Variants in ARB2A observed in about 807,000 individuals in gnomAD.
ARB2A encodes ARB2 cotranscriptional regulator A.
chr5:93,657,112 A>G, the ARB2A span, among the ~76,000 whole-genome samples: 1 of 152,178 alleles, frequency 6.6e-6, no homozygotes, highest in Non-Finnish European at 1.5e-5. Flanking sequence ...TAGATCTGAG[A>G]TAAGATGGAT....
the ARB2A span, chr5:93,739,866 A>G: frequency 6.6e-6 from 1 of 152,168 alleles, no homozygotes; most frequent in African/African-American, 2.4e-5. Context: ...TGCCAACCTC[A>G]GTAACAAAGG....
chr5:93,629,359 GA>G, the ARB2A span, among the ~76,000 whole-genome samples: 1 of 150,284 alleles, frequency 6.7e-6, no homozygotes, highest in Non-Finnish European at 1.5e-5. Flanking sequence ...TGCAAGAATT[GA>G]AAAAAATGTG....
the ARB2A span, among the ~76,000 whole-genome samples, chr5:94,080,595 C>T: frequency 2.0e-5 from 3 of 152,172 alleles, no homozygotes; most frequent in African/African-American, 7.2e-5. Flanking sequence ...CAGAGCTGGC[C>T]TCAGGTGCAA....
At chr5:94,022,065 T>G in the ARB2A span, among the ~76,000 whole-genome samples, 26 of 152,178 alleles carry the variant, frequency 1.7e-4, 1 homozygote, top group African/African-American at 5.3e-4. Flanking sequence ...CAAAACTCTG[T>G]CGCAAATAAT....
chr5:93,701,577 TG>T, the ARB2A span, among the ~76,000 whole-genome samples: 3 of 151,914 alleles, frequency 2.0e-5, no homozygotes, highest in African/African-American at 4.8e-5. Flanking sequence ...CAATAATCCC[TG>T]TTTTTTTTTT....
the ARB2A span, among the ~76,000 whole-genome samples, chr5:93,816,831 C>G: frequency 6.6e-6 from 1 of 152,064 alleles, no homozygotes; most frequent in Admixed American, 6.6e-5. Context: ...TGAAAACAAT[C>G]ACAACTAATA....
At chr5:94,101,902 A>T in the ARB2A span, among the ~76,000 whole-genome samples, 1 of 152,002 alleles carries the variant, frequency 6.6e-6, no homozygotes, top group Non-Finnish European at 1.5e-5. Context: ...GACACATGTT[A>T]TCTATGTAGC....
At chr5:94,051,440 T>C in the ARB2A span, among the ~76,000 whole-genome samples, 3 of 152,144 alleles carry the variant, frequency 2.0e-5, no homozygotes, top group Admixed American at 1.3e-4. Context: ...GGCTATCAAA[T>C]CACATTCACA....
the ARB2A span, among the ~76,000 whole-genome samples, chr5:93,690,297 C>A: frequency 6.6e-6 from 1 of 152,158 alleles, no homozygotes; most frequent in Admixed American, 6.5e-5. Context: ...AAGCTAAGAT[C>A]CATTGGCTTG....
At chr5:94,111,309 G>C in the ARB2A span, among the ~76,000 whole-genome samples, 1 of 152,134 alleles carries the variant, frequency 6.6e-6, no homozygotes, top group South Asian at 2.1e-4. Flanking sequence ...CGCCTAGAGA[G>C]TGGAAATGGA....
chr5:93,993,155 G>C, the ARB2A span, among the ~76,000 whole-genome samples: 4 of 151,896 alleles, frequency 2.6e-5, no homozygotes, highest in African/African-American at 9.7e-5. Flanking sequence ...GCTCAATGAA[G>C]GCAAACAAAC....
At chr5:93,694,212 T>G in the ARB2A span, among the ~76,000 whole-genome samples, 1 of 152,042 alleles carries the variant, frequency 6.6e-6, no homozygotes. Context: ...GAGAAAGAAA[T>G]AAAGGTATTC....
the ARB2A span, among the ~76,000 whole-genome samples, chr5:93,856,120 T>A: frequency 6.6e-6 from 1 of 152,288 alleles, no homozygotes; most frequent in East Asian, 1.9e-4. Flanking sequence ...TACAAGCCAC[T>A]CTCTTCTGGC....
the ARB2A span, among the ~76,000 whole-genome samples, chr5:94,012,318 C>A: frequency 6.6e-6 from 1 of 152,208 alleles, no homozygotes; most frequent in Non-Finnish European, 1.5e-5. Context: ...AGGAGAATGG[C>A]GTGAACCCGG....
the ARB2A span, among the ~76,000 whole-genome samples, chr5:93,624,985 GTCTTA>G: frequency 6.6e-6 from 1 of 152,074 alleles, no homozygotes; most frequent in Non-Finnish European, 1.5e-5. Flanking sequence ...GTTTTTCAGA[GTCTTA>G]CCAAGAGTGG....
chr5:94,011,205 T>A, the ARB2A span, among the ~76,000 whole-genome samples: 1 of 152,160 alleles, frequency 6.6e-6, no homozygotes, highest in Non-Finnish European at 1.5e-5. Flanking sequence ...TGCTTTTTGG[T>A]CCCCATTGCT....
chr5:94,042,089 A>T, the ARB2A span, among the ~76,000 whole-genome samples: 3 of 152,208 alleles, frequency 2.0e-5, no homozygotes, highest in Non-Finnish European at 2.9e-5. Flanking sequence ...TCCTGCCTAG[A>T]TTAAAGGTTT....
At chr5:93,727,864 A>T in the ARB2A span, among the ~76,000 whole-genome samples, 2 of 152,104 alleles carry the variant, frequency 1.3e-5, no homozygotes. Context: ...GTATGGTGTC[A>T]GGACTCATGT....
At chr5:93,946,854 TCAA>T in the ARB2A span, among the ~76,000 whole-genome samples, 7 of 152,202 alleles carry the variant, frequency 4.6e-5, no homozygotes, top group Admixed American at 1.3e-4. Flanking sequence ...CCACACTTCT[TCAA>T]CAACATGATT....
Sources: gnomAD v4.1 joint callset for allele counts (sites outside exome capture counted in the v4.1 genomes callset) on GRCh38, gnomAD v4.1.1 for gene constraint, MANE v1.5 for transcripts, NCBI Gene and HGNC (gene_info 2026-07-23, HGNC 2026-07-21) for gene names.